SGCD: variants seen among roughly 807,000 people sequenced by gnomAD.
The protein encoded by SGCD is sarcoglycan delta.
A neutral mutation model predicts 36.6 loss-of-function variants in SGCD; 18 were observed. That is an observed-to-expected ratio of 0.49 (90% CI 0.34 to 0.73). SGCD has a LOEUF of 0.73. SGCD is among the 30% of genes least tolerant of loss of function. The pLI is 0.01. For missense variants in SGCD, 387 were observed against 346.7 expected (o/e 1.12, Z -0.92); for synonymous variants, 133 against 130.6 (o/e 1.02, Z -0.12).
At chr5:156,363,490 T>G (rs963326252) in intron 3 of SGCD, among the ~76,000 whole-genome samples, 1 of 152,146 alleles carries the variant, frequency 6.6e-6, no homozygotes, top group Non-Finnish European at 1.5e-5. Context: ...GTTACCTAGG[T>G]TTTTTTAGTC....
At chr5:156,205,833 CTCG>C (rs1488640051) in intron 3 of SGCD, among the ~76,000 whole-genome samples, 1 of 151,780 alleles carries the variant, frequency 6.6e-6, no homozygotes, top group African/African-American at 2.4e-5. Context: ...CAATGGGATT[CTCG>C]TCGTCCTAGC....
chr5:156,654,396 C>T (rs952614005), intron 7 of SGCD, among the ~76,000 whole-genome samples: 6 of 152,102 alleles, frequency 3.9e-5, no homozygotes. Flanking sequence ...TGGTTTGTGA[C>T]AGAAATTGGT....
chr5:156,273,742 G>A (rs1330144024), intron 3 of SGCD, among the ~76,000 whole-genome samples: 7 of 152,156 alleles, frequency 4.6e-5, no homozygotes, highest in South Asian at 4.1e-4. Flanking sequence ...CTGGCAAATG[G>A]AGATGAATCA....
intron 3 of SGCD, among the ~76,000 whole-genome samples, chr5:156,197,087 T>G (rs911485975): frequency 6.6e-6 from 1 of 152,212 alleles, no homozygotes; most frequent in South Asian, 2.1e-4. Context: ...TATGTTGTTT[T>G]TAATTGTCCA....
chr5:156,441,485 T>C (rs1753489464), intron 3 of SGCD, among the ~76,000 whole-genome samples: 1 of 152,186 alleles, frequency 6.6e-6, no homozygotes, highest in Non-Finnish European at 1.5e-5. Context: ...TAATAATTAT[T>C]ACTGTATTCT....
In SGCD at chr5:156,419,803, T is replaced by C. The variant is rs115962110; in HGVS notation, c.192+75126T>C. Among the ~76,000 whole-genome samples, 242 of 152,270 alleles carry C rather than the reference T, an allele frequency of 1.6e-3. 1 individual carries two copies. The highest frequency in any genetic ancestry group is 5.6e-3 in the African/African-American group (232 of 41,556). ...GCACTAGGACCTAGGCCTATTCCCATGGTTACATGGCAGAATAGGCATTCC... is the reference window on the plus strand; with the variant it reads ...GCACTAGGACCTAGGCCTATTCCCACGGTTACATGGCAGAATAGGCATTCC... On this transcript the variant is annotated intron_variant, in intron 3 of 8. Coordinates refer to ENST00000337851, the MANE Select transcript of SGCD (RefSeq NM_000337.6).
chr5:155,986,325 C>T (rs927635188), intron 1 of SGCD, among the ~76,000 whole-genome samples: 2 of 152,138 alleles, frequency 1.3e-5, no homozygotes, highest in African/African-American at 4.8e-5. Context: ...ATTAAAAGGA[C>T]CAATTTTTTT....
At chr5:156,486,230 C>T (rs1755651951) in intron 3 of SGCD, among the ~76,000 whole-genome samples, 1 of 151,978 alleles carries the variant, frequency 6.6e-6, no homozygotes, top group South Asian at 2.1e-4. Flanking sequence ...ACATGAGGAG[C>T]TAGTGGTGCA....
At chr5:156,466,498 C>T (rs1417124651) in intron 3 of SGCD, among the ~76,000 whole-genome samples, 1 of 152,134 alleles carries the variant, frequency 6.6e-6, no homozygotes, top group East Asian at 1.9e-4. Flanking sequence ...CCAACTCTCC[C>T]CTCAGTCACT....
rs1284592965 is a variant in SGCD, at chr5:156,761,267, G to C, written c.*1877G>C. 1 of 152,118 alleles carries C rather than the reference G, an allele frequency of 6.6e-6. No homozygotes were observed. The highest frequency in any genetic ancestry group is 1.5e-5 in the Non-Finnish European group (1 of 68,040). 9.4% of individuals were successfully genotyped at this position (152,118 alleles called of 1,614,324 possible). A position where few individuals can be genotyped will look rare whatever the true frequency, so the allele number is the denominator to read the frequency against. The stretch of plus-strand genomic sequence containing the variant: ...GTAGATGGTGGGGGACAGCGGCGTG[G>C]GTCCTAGCCTGGCCAGTGATGCTGC... On this transcript the variant is annotated 3_prime_UTR_variant, in exon 9 of 9. Transcript: ENST00000337851.
chr5:156,689,023 T>G (rs1456923217), intron 7 of SGCD, among the ~76,000 whole-genome samples: 4 of 152,204 alleles, frequency 2.6e-5, no homozygotes, highest in African/African-American at 7.2e-5. Flanking sequence ...CTACACACAG[T>G]GTACTATCCT....
the SGCD span, among the ~76,000 whole-genome samples, chr5:155,775,370 C>T: frequency 2.0e-5 from 3 of 152,040 alleles, no homozygotes; most frequent in Middle Eastern, 3.2e-3. Flanking sequence ...AGATGCTTTG[C>T]ATGTATTAAC....
intron 2 of SGCD, among the ~76,000 whole-genome samples, chr5:156,335,419 T>C (rs1768297315): frequency 6.6e-6 from 1 of 152,204 alleles, no homozygotes; most frequent in South Asian, 2.1e-4. Context: ...ATGTGAAACA[T>C]GTCTGCTCTA....
chr5:156,505,132 T>C (rs1756640141), intron 3 of SGCD, among the ~76,000 whole-genome samples: 1 of 152,192 alleles, frequency 6.6e-6, no homozygotes, highest in South Asian at 2.1e-4. Flanking sequence ...TCTGTCTATT[T>C]TGGGAGGGTT....
At chr5:156,354,123 T>C (rs1769388100) in intron 3 of SGCD, among the ~76,000 whole-genome samples, 1 of 152,254 alleles carries the variant, frequency 6.6e-6, no homozygotes, top group South Asian at 2.1e-4. Flanking sequence ...AACACATGTA[T>C]AATTTTAGTA....
chr5:155,797,761 C>T, the SGCD span, among the ~76,000 whole-genome samples: 4 of 152,260 alleles, frequency 2.6e-5, no homozygotes, highest in Middle Eastern at 3.4e-3. Flanking sequence ...CTTTAAAACC[C>T]GTGTTAAATA....
chr5:155,768,089 A>G, the SGCD span, among the ~76,000 whole-genome samples: 1 of 152,094 alleles, frequency 6.6e-6, no homozygotes, highest in Non-Finnish European at 1.5e-5. Flanking sequence ...GTACTGTTAG[A>G]TGATTTTCAG....
At chr5:155,929,668 G>T (rs1373662065) in intron 1 of SGCD, among the ~76,000 whole-genome samples, 1 of 152,100 alleles carries the variant, frequency 6.6e-6, no homozygotes, top group Admixed American at 6.5e-5. Flanking sequence ...TTGCTTCCAG[G>T]ATGTAGTCCT....
intron 7 of SGCD, among the ~76,000 whole-genome samples, chr5:156,677,922 G>A (rs1420841703): frequency 1.3e-5 from 2 of 152,078 alleles, no homozygotes; most frequent in African/African-American, 4.8e-5. Context: ...TATCTCCATG[G>A]CCTTTTGCAT....
Sources: allele counts gnomAD v4.1 joint callset (sites outside exome capture counted in the v4.1 genomes callset), GRCh38; gene constraint gnomAD v4.1.1; transcripts MANE v1.5; gene names NCBI Gene and HGNC (gene_info 2026-07-23, HGNC 2026-07-21).